ANO10: variants seen among roughly 807,000 people sequenced by gnomAD.
ANO10 encodes anoctamin 10, also known as anoctamin-10.
In ANO10, 77 loss-of-function variants were observed where a neutral mutation model predicts 74.7. The ratio of observed to expected loss-of-function variants is 1.03; its 90% CI spans 0.86 to 1.25. ANO10 has a LOEUF of 1.25. Ranked by LOEUF, ANO10 falls within the 50% of genes most tolerant of loss-of-function variation. The pLI, the probability that ANO10 is intolerant of heterozygous loss-of-function variation, is 0.00. For synonymous variants in ANO10, 279 were observed against 284.9 expected (o/e 0.98, Z 0.21); for missense variants, 721 against 778.1 (o/e 0.93, Z 0.87).
chr3:43,501,711 T>C (rs1170937678), intron 11 of ANO10, among the ~76,000 whole-genome samples: 2 of 152,186 alleles, frequency 1.3e-5, no homozygotes, highest in African/African-American at 4.8e-5. Context: ...AGCATAATAA[T>C]GTCCACACAT....
chr3:43,369,903 A>T (rs1387742292), intron 12 of ANO10, among the ~76,000 whole-genome samples: 1 of 152,168 alleles, frequency 6.6e-6, no homozygotes, highest in Non-Finnish European at 1.5e-5. Context: ...TTTCTGTGTA[A>T]ATGGGGCAGG....
chr3:43,606,064 C>A (rs927592548), intron 1 of ANO10, among the ~76,000 whole-genome samples: 4 of 152,154 alleles, frequency 2.6e-5, no homozygotes, highest in Non-Finnish European at 5.9e-5. Context: ...GAAAGAACGC[C>A]ATCCTTTTCT....
chr3:43,372,775 C>A, intron 12 of ANO10: 2 of 1,437,510 alleles, frequency 1.4e-6, no homozygotes, highest in Non-Finnish European at 1.9e-6. Flanking sequence ...ACCCCAGGAC[C>A]TATGACAGTG....
chr3:43,543,093 T>C (rs2149284456), intron 11 of ANO10, among the ~76,000 whole-genome samples: 1 of 152,330 alleles, frequency 6.6e-6, no homozygotes, highest in Admixed American at 6.5e-5. Flanking sequence ...TCCACATTTG[T>C]ATAGTTTCAA....
At chr3:43,499,786 C>T (rs938900338) in intron 11 of ANO10, among the ~76,000 whole-genome samples, 1 of 151,670 alleles carries the variant, frequency 6.6e-6, no homozygotes, top group South Asian at 2.1e-4. Context: ...CCTGTGCTAC[C>T]TACAAAATAT....
chr3:43,438,141 T>C (rs573281209), intron 11 of ANO10, among the ~76,000 whole-genome samples: 7 of 152,186 alleles, frequency 4.6e-5, no homozygotes, highest in African/African-American at 1.7e-4. Context: ...ATAACTGAAT[T>C]AACAAGTCAC....
chr3:43,640,665 C>A (rs1406309782), intron 1 of ANO10, among the ~76,000 whole-genome samples: 1 of 152,152 alleles, frequency 6.6e-6, no homozygotes, highest in Admixed American at 6.5e-5. Context: ...CTGAACAGAA[C>A]TCTTTTAAAA....
rs1218855773 is a variant in ANO10, at chr3:43,583,935, T to C, written c.473-3463A>G. 2.0e-5 allele frequency among the ~76,000 whole-genome samples: 3 copies of C among 152,224 alleles called. No individual in the cohort carries two copies. In the South Asian group the frequency reaches 6.2e-4, roughly 31 times the overall value. ...CAATCAAAACATGATAATCATCCAA[T>C]AGACATTTTGAGACACAGCTTTGAT... On this transcript the variant is annotated intron_variant, in intron 4 of 12. Transcript: ENST00000292246.
intron 1 of ANO10, among the ~76,000 whole-genome samples, chr3:43,640,645 C>T (rs1270961824): frequency 6.6e-6 from 1 of 152,190 alleles, no homozygotes; most frequent in Non-Finnish European, 1.5e-5. Flanking sequence ...CTTTTACTAG[C>T]AGTATTCTAC....
chr3:43,590,389 C>CA (rs1479791955), intron 4 of ANO10, among the ~76,000 whole-genome samples: 6 of 152,114 alleles, frequency 3.9e-5, no homozygotes, highest in African/African-American at 1.4e-4. Flanking sequence ...ATTCTGAACA[C>CA]AAAAGAGTAA....
intron 11 of ANO10, among the ~76,000 whole-genome samples, chr3:43,490,710 A>C (rs771091025): frequency 4.7e-4 from 71 of 152,242 alleles, no homozygotes; most frequent in Non-Finnish European, 8.7e-4. Context: ...ATTCTAAATC[A>C]AGTACCGGCA....
intron 11 of ANO10, among the ~76,000 whole-genome samples, chr3:43,493,496 A>C (rs2076806061): frequency 6.6e-6 from 1 of 152,232 alleles, no homozygotes; most frequent in Non-Finnish European, 1.5e-5. Flanking sequence ...TATGCCATTT[A>C]TTTATTGAAA....
intron 1 of ANO10, among the ~76,000 whole-genome samples, chr3:43,620,193 T>C (rs1012292256): frequency 6.6e-6 from 1 of 152,074 alleles, no homozygotes; most frequent in Non-Finnish European, 1.5e-5. Flanking sequence ...AAAAAAAGAA[T>C]GAATCCACAT....
At chr3:43,391,252 C>T (rs2092267129) in intron 12 of ANO10, among the ~76,000 whole-genome samples, 1 of 152,182 alleles carries the variant, frequency 6.6e-6, no homozygotes, top group East Asian at 1.9e-4. Flanking sequence ...CAAACTGTAT[C>T]AAAATGATAA....
At chr3:43,595,424 T>A (rs1215695047) in intron 4 of ANO10, among the ~76,000 whole-genome samples, 1 of 152,176 alleles carries the variant, frequency 6.6e-6, no homozygotes, top group African/African-American at 2.4e-5. Context: ...CATGATCAAG[T>A]GGGCTTCATC....
intron 12 of ANO10, among the ~76,000 whole-genome samples, chr3:43,381,331 C>A (rs1446573252): frequency 6.6e-6 from 1 of 152,086 alleles, no homozygotes; most frequent in Non-Finnish European, 1.5e-5. Flanking sequence ...ACTCACCTGA[C>A]ACATAAGAAC....
At chr3:43,608,517 G>A (rs1056326246) in intron 1 of ANO10, among the ~76,000 whole-genome samples, 7 of 152,020 alleles carry the variant, frequency 4.6e-5, no homozygotes, top group Non-Finnish European at 1.0e-4. Context: ...CTTTAGCCTT[G>A]GCCTCCCCAA....
At chr3:43,472,166 A>G (rs2075882293) in intron 11 of ANO10, among the ~76,000 whole-genome samples, 1 of 152,178 alleles carries the variant, frequency 6.6e-6, no homozygotes, top group African/African-American at 2.4e-5. Flanking sequence ...ATATGATTCC[A>G]TTTATATGAT....
intron 1 of ANO10, among the ~76,000 whole-genome samples, chr3:43,627,232 A>G (rs570559861): frequency 2.6e-5 from 4 of 152,384 alleles, no homozygotes; most frequent in African/African-American, 9.6e-5. Flanking sequence ...TACAGAAAAC[A>G]GAAATCACTG....
Sources: gnomAD v4.1 joint callset for allele counts (sites outside exome capture counted in the v4.1 genomes callset) on GRCh38, gnomAD v4.1.1 for gene constraint, MANE v1.5 for transcripts, NCBI Gene and HGNC (gene_info 2026-07-23, HGNC 2026-07-21) for gene names.